Variants in SLC4A4 observed in about 807,000 individuals in gnomAD.
The protein encoded by SLC4A4 is electrogenic sodium bicarbonate cotransporter 1.
SLC4A4 carries 27 observed loss-of-function variants against 111.5 expected under a neutral mutation model. That is an observed-to-expected ratio of 0.24 (90% confidence interval 0.18 to 0.33). The LOEUF is 0.33. Among genes scored for constraint, SLC4A4 ranks in the 10% least tolerant of loss-of-function variants. The pLI is 1.00. For synonymous variants in SLC4A4, 443 were observed against 463.4 expected, an observed-to-expected ratio of 0.96 and a Z score of 0.57; for missense variants, 909 against 1,315.5, an observed-to-expected ratio of 0.69 and a Z score of 4.78.
intron 12 of SLC4A4, among the ~76,000 whole-genome samples, chr4:71,463,013 C>G (rs1726983385): frequency 6.6e-6 from 1 of 152,148 alleles, no homozygotes; most frequent in Non-Finnish European, 1.5e-5. Context: ...CTAAGACCAT[C>G]AGCTCTCTTT....
intron 2 of SLC4A4, among the ~76,000 whole-genome samples, chr4:71,148,365 C>A (rs572741176): frequency 6.6e-6 from 1 of 152,258 alleles, no homozygotes; most frequent in South Asian, 2.1e-4. Flanking sequence ...AACTGGATCT[C>A]CAAACCTTCC....
chr4:71,518,503 T>C (rs1423683922), intron 16 of SLC4A4, among the ~76,000 whole-genome samples: 1 of 151,936 alleles, frequency 6.6e-6, no homozygotes, highest in Non-Finnish European at 1.5e-5. Flanking sequence ...CTGACCTCAC[T>C]CTACACTAGT....
intron 1 of SLC4A4, among the ~76,000 whole-genome samples, chr4:71,082,364 T>A (rs1347031823): frequency 6.6e-6 from 1 of 151,980 alleles, no homozygotes; most frequent in Non-Finnish European, 1.5e-5. Flanking sequence ...GAACACTCTA[T>A]CCTCTCACCA....
At chr4:71,206,340 T>C (rs1339027166) in intron 1 of SLC4A4, among the ~76,000 whole-genome samples, 2 of 152,220 alleles carry the variant, frequency 1.3e-5, no homozygotes, top group East Asian at 1.9e-4. Context: ...CATGAAACTA[T>C]AGCCACATTT....
intron 3 of SLC4A4, among the ~76,000 whole-genome samples, chr4:71,316,490 G>A (rs1452895): frequency 0.076 from 11,488 of 152,028 alleles, 780 homozygotes; most frequent in Admixed American, 0.22. Context: ...GGTACAGGCC[G>A]TTTTTTTAAA....
chr4:71,293,181 A>G (rs1354492106), intron 3 of SLC4A4, among the ~76,000 whole-genome samples: 2 of 151,852 alleles, frequency 1.3e-5, no homozygotes, highest in Non-Finnish European at 2.9e-5. Context: ...AAGGCAAAAT[A>G]TGAAACTTGA....
At chr4:71,249,420 A>G (rs949962595) in intron 2 of SLC4A4, among the ~76,000 whole-genome samples, 4 of 152,152 alleles carry the variant, frequency 2.6e-5, no homozygotes, top group African/African-American at 9.7e-5. Flanking sequence ...GCAAAATTTC[A>G]TAAAGGGCTG....
chr4:71,142,639 T>C (rs113920173), intron 2 of SLC4A4, among the ~76,000 whole-genome samples: 2,246 of 152,252 alleles, frequency 0.015, 63 homozygotes, highest in African/African-American at 0.05. Flanking sequence ...TTCACCAACC[T>C]GAGTCTTCGG....
intron 3 of SLC4A4, among the ~76,000 whole-genome samples, chr4:71,277,107 T>C (rs1428328814): frequency 6.6e-6 from 1 of 152,164 alleles, no homozygotes; most frequent in African/African-American, 2.4e-5. Flanking sequence ...TGAACAATTG[T>C]GCACACGCTT....
intron 7 of SLC4A4, among the ~76,000 whole-genome samples, chr4:71,402,674 T>A (rs1489320775): frequency 1.6e-4 from 24 of 152,204 alleles, no homozygotes; most frequent in Admixed American, 1.6e-3. Flanking sequence ...AGAAGGTAGT[T>A]AGGGTACTTA....
chr4:71,373,862 T>C (rs1732103670), intron 6 of SLC4A4, among the ~76,000 whole-genome samples: 2 of 152,010 alleles, frequency 1.3e-5, no homozygotes, highest in African/African-American at 4.8e-5. Context: ...ACTGACTGAA[T>C]GTTAGGGGAG....
intron 5 of SLC4A4, 128 bp downstream of exon 5, chr4:71,350,200 AT>A (rs1469042401): frequency 3.3e-6 from 3 of 918,148 alleles, no homozygotes; most frequent in Non-Finnish European, 5.1e-6. Context: ...CTCTTTTTGC[AT>A]TATAACATTA....
rs1392172210 is a variant in SLC4A4 at position 71,360,830 on chromosome 4, C to T, written c.730+3643C>T. On this transcript the variant is annotated intron_variant, in intron 6 of 25. Coordinates refer to ENST00000264485, the MANE Select transcript of SLC4A4 (RefSeq NM_001098484.3). ...TGCTACATATTGTTGTAGGACTTCT[C>T]CTTAGTTCAGTTAAAGACGGGGTTC... Among the ~76,000 whole-genome samples the T allele has an allele frequency of 5.3e-5, 8 of 152,148 alleles. No individual in the cohort carries two copies. The East Asian group carries it at 1.2e-3, about 22-fold the overall frequency.
intron 1 of SLC4A4, among the ~76,000 whole-genome samples, chr4:71,089,514 C>T (rs920233730): frequency 1.3e-5 from 2 of 151,984 alleles, no homozygotes; most frequent in South Asian, 2.1e-4. Flanking sequence ...TGTTTTTTCC[C>T]CATCTTTGTG....
chr4:71,452,681 TG>T (rs533671584), intron 11 of SLC4A4, among the ~76,000 whole-genome samples: 45 of 152,198 alleles, frequency 3.0e-4, no homozygotes, highest in African/African-American at 9.9e-4. Context: ...GTTGGGAGGG[TG>T]AGTAGACTGA....
At chr4:71,077,113 G>A (rs1741854554) in intron 1 of SLC4A4, among the ~76,000 whole-genome samples, 1 of 148,488 alleles carries the variant, frequency 6.7e-6, no homozygotes, top group Non-Finnish European at 1.5e-5. Context: ...TATGTAAGGA[G>A]GTTATGTTTG....
At chr4:71,402,735 C>A (rs937055956) in intron 7 of SLC4A4, among the ~76,000 whole-genome samples, 2 of 152,204 alleles carry the variant, frequency 1.3e-5, no homozygotes, top group African/African-American at 4.8e-5. Context: ...ATCTCTCTGG[C>A]TCAGCACCTA....
At chr4:71,470,122 C>G (rs1727728375) in intron 13 of SLC4A4, among the ~76,000 whole-genome samples, 1 of 151,892 alleles carries the variant, frequency 6.6e-6, no homozygotes, top group Admixed American at 6.6e-5. Context: ...AACTGTATTT[C>G]TTAGTTGTTA....
chr4:71,247,150 G>A (rs1720729283), intron 2 of SLC4A4, among the ~76,000 whole-genome samples: 1 of 150,002 alleles, frequency 6.7e-6, no homozygotes. Flanking sequence ...TGAAGGAAGG[G>A]AATAATGTGA....
Sources: allele counts gnomAD v4.1 joint callset (sites outside exome capture counted in the v4.1 genomes callset), GRCh38; gene constraint gnomAD v4.1.1; transcripts MANE v1.5; gene names NCBI Gene and HGNC (gene_info 2026-07-23, HGNC 2026-07-21).